The following TBC1D28 variants were observed in gnomAD, a reference collection of about 807,000 sequenced individuals.
TBC1D28 encodes the protein TBC1 domain family, member 28.
A neutral mutation model predicts 29.2 loss-of-function variants in TBC1D28; 20 were observed. The observed-to-expected ratio is 0.68, with a 90% CI of 0.48 to 0.99. TBC1D28 has a LOEUF of 0.99. TBC1D28 is among the 50% of genes least tolerant of loss of function. TBC1D28 has a pLI of 0.00. For missense variants in TBC1D28, 205 were observed against 243.7 expected (o/e 0.84, Z 1.06); for synonymous variants, 65 against 90.9 (o/e 0.71, Z 1.62).
downstream of TBC1D28, among the ~76,000 whole-genome samples, chr17:18,634,841 T>TCCTCAGCC (rs2031409342): frequency 3.8e-4 from 34 of 89,990 alleles, no homozygotes; most frequent in African/African-American, 1.4e-3. Context: ...CCCCTCAGCC[T>TCCTCAGCC]CCTCAGCCCC....
exon 6 of TBC1D28, chr17:18,638,636 A>G (rs1567876837): frequency 5.6e-6 from 9 of 1,614,152 alleles, no homozygotes; most frequent in African/African-American, 1.3e-5. Flanking sequence ...TGGTGCTCCT[A>G]TATTTTGTCC....
chr17:18,636,802 G>C (rs2031522330), intron 8 of TBC1D28, among the ~76,000 whole-genome samples: 1 of 144,416 alleles, frequency 6.9e-6, no homozygotes, highest in African/African-American at 2.7e-5. Flanking sequence ...TAGGTGTACA[G>C]TTGGATCAGT....
Position 18,636,596 on chromosome 17 carries a change from G to A in TBC1D28, c.499C>T (p.Gln167Ter). The change falls in exon 9 of 9, where the codon CAG becomes TAG. Residue 167 changes from glutamine (Q) to a stop codon, truncating the protein, a stop_gained and splice_region_variant. Transcript: ENST00000345096. LOFTEE classifies it high-confidence loss of function. ...ACGAGGATGTCACATAATTCCTGCT[G>A]CCTAGAAAAGAGGGGAAAGAGGGTT... 1 of 1,610,390 alleles carries A rather than the reference G, an allele frequency of 6.2e-7. No individual in the cohort carries two copies. Among genetic ancestry groups the A allele is most frequent in the Non-Finnish European group, 8.5e-7 (1 of 1,178,122 alleles).
At chr17:18,637,774 G>T in intron 8 of TBC1D28, 90 bp downstream of exon 9, 2 of 1,535,378 alleles carry the variant, frequency 1.3e-6, no homozygotes, top group Non-Finnish European at 1.8e-6. Flanking sequence ...CACCTCTCCT[G>T]GGTGACCCTG....
chr17:18,638,358 C>G, exon 7 of TBC1D28: 1 of 1,614,232 alleles, frequency 6.2e-7, no homozygotes, highest in Non-Finnish European at 8.5e-7. Context: ...CAATATCTAG[C>G]AAAAGTGACA....
Position 18,636,482 on chromosome 17 carries a change from C to A in TBC1D28, c.613G>T (p.Gly205Trp), listed in dbSNP as rs375857329. The change falls in exon 9 of 9, where the codon GGG becomes TGG. Residue 205 changes from glycine (G) to tryptophan (W), a missense_variant. By Grantham distance (184) the Gly-to-Trp change is radical. Transcript: ENST00000345096. ...AATTTTCAAGAAGTTGCAACACCCC[C>A]GAGAGACACCCATGCCTGTGAATAT... is the stretch of plus-strand genomic sequence containing the variant. The A allele has an allele frequency of 1.1e-4, 171 of 1,613,718 alleles. No individual in the cohort carries two copies. Among genetic ancestry groups the A allele is most frequent in the Non-Finnish European group, 1.3e-4 (157 of 1,179,980 alleles).
upstream of TBC1D28, among the ~76,000 whole-genome samples, chr17:18,643,775 C>T (rs1388572315): frequency 6.6e-5 from 10 of 152,228 alleles, no homozygotes; most frequent in Admixed American, 6.5e-5. Context: ...TACTCCCAGA[C>T]AAGGGACCCC....
chr17:18,637,855 T>G lies in TBC1D28; in HGVS notation c.497+9A>C. The G allele has an allele frequency of 1.9e-6, 3 of 1,613,650 alleles. No individual in the cohort carries two copies. The highest frequency in any genetic ancestry group is 2.5e-6 in the Non-Finnish European group (3 of 1,179,790). ...TCTCTGGGACCCCTGCAAGCCCCAT[T>G]GGCCTTACTTGACTCCGAATCTTTG... On this transcript the variant is annotated intron_variant, in intron 8 of 8. Transcript: ENST00000345096.
chr17:18,639,180 C>A, exon 5 of TBC1D28: 7 of 1,612,136 alleles, frequency 4.3e-6, no homozygotes, highest in Non-Finnish European at 5.9e-6. Flanking sequence ...CTTACCTTCA[C>A]CTCCAGGGCA....
intron 5 of TBC1D28, 149 bp downstream of exon 6, chr17:18,639,026 C>G: frequency 7.7e-7 from 1 of 1,292,876 alleles, no homozygotes; most frequent in South Asian, 1.5e-5. Context: ...CTCATGGGAA[C>G]AGAGTCCAGC....
At position 18,638,601 on chromosome 17, in the gene TBC1D28, C is replaced by T. The variant is rs2031618309; in HGVS notation, c.279+20G>A. On this transcript the variant is annotated intron_variant, in intron 6 of 8. Coordinates refer to ENST00000345096, the Ensembl canonical transcript of TBC1D28. ...GCTCTGCAGAGAGCAGTCACGGGGGCCGCTTCCTCCCCATGTTACCTTCTT... is the reference window on the plus strand; with the variant it reads ...GCTCTGCAGAGAGCAGTCACGGGGGTCGCTTCCTCCCCATGTTACCTTCTT... 4.3e-6 allele frequency: 7 copies of T among 1,614,006 alleles called. No individual in the cohort carries two copies. The highest frequency in any genetic ancestry group is 1.1e-5 in the South Asian group (1 of 91,090).
chr17:18,635,978 G>T (rs1040537756), exon 9 of TBC1D28: 117 of 994,316 alleles, frequency 1.2e-4, no homozygotes, highest in Non-Finnish European at 1.3e-4. Flanking sequence ...AACAGCCCAA[G>T]GGCTGCCTGC....
At chr17:18,635,845 G>C (rs1329638146) in exon 9 of TBC1D28, 6 of 991,940 alleles carry the variant, frequency 6.0e-6, no homozygotes, top group Non-Finnish European at 7.2e-6. Flanking sequence ...GCAAGACATC[G>C]ATAGTGGGTG....
chr17:18,637,754 G>T, intron 8 of TBC1D28, 110 bp downstream of exon 9: 1 of 1,331,426 alleles, frequency 7.5e-7, no homozygotes. Context: ...AGAGCCCTTG[G>T]TGGCTCTGTC....
exon 9 of TBC1D28, chr17:18,636,169 A>G: frequency 8.4e-7 from 1 of 1,195,206 alleles, no homozygotes; most frequent in Non-Finnish European, 1.0e-6. Context: ...GATCCTTGCC[A>G]GGTTTCCAGT....
intron 8 of TBC1D28, 60 bp downstream of exon 9, chr17:18,637,804 C>T (rs1175505380): frequency 6.2e-7 from 1 of 1,612,410 alleles, no homozygotes; most frequent in Non-Finnish European, 8.5e-7. Context: ...CTGGGGACAA[C>T]CTCATTCCTC....
chr17:18,636,786 A>G (rs1458211415), intron 8 of TBC1D28, among the ~76,000 whole-genome samples, 189 bp from the exon 10 acceptor site: 5 of 145,500 alleles, frequency 3.4e-5, no homozygotes, highest in Admixed American at 6.9e-5. Flanking sequence ...TTGCAATGCA[A>G]TGTCGTAGGT....
intron 4 of TBC1D28, among the ~76,000 whole-genome samples, chr17:18,640,124 T>C (rs1049507901): frequency 1.3e-5 from 2 of 152,090 alleles, no homozygotes; most frequent in Non-Finnish European, 2.9e-5. Flanking sequence ...TGCCCTGACT[T>C]GGCCCCTCCA....
At chr17:18,636,092 G>C (rs185557253) in exon 9 of TBC1D28, 86 of 1,035,872 alleles carry the variant, frequency 8.3e-5, no homozygotes, top group Middle Eastern at 4.6e-4. Flanking sequence ...CAAGCAGGAA[G>C]AGCCACCTGG....
Sources: allele counts gnomAD v4.1 joint callset (sites outside exome capture counted in the v4.1 genomes callset), GRCh38; gene constraint gnomAD v4.1.1; transcripts MANE v1.5; gene names NCBI Gene and HGNC (gene_info 2026-07-23, HGNC 2026-07-21).